PRKCH: variants seen among roughly 807,000 people sequenced by gnomAD.
PRKCH encodes protein kinase C eta.
In PRKCH, 28 loss-of-function variants were observed where a neutral mutation model predicts 82.5. That is an observed-to-expected ratio of 0.34 (90% confidence interval 0.25 to 0.47). The LOEUF (loss-of-function observed/expected upper bound fraction) is 0.47. Among genes scored for constraint, PRKCH ranks in the 20% least tolerant of loss-of-function variants. The probability of loss-of-function intolerance (pLI) is 1.00; values close to 1 mark genes in which losing one functional copy is unlikely to be tolerated. For synonymous variants in PRKCH, 322 were observed against 327.4 expected (o/e 0.98, Z 0.18); for missense variants, 705 against 881.8 (o/e 0.80, Z 2.54).
chr14:61,219,108 C>A lies in PRKCH; in HGVS notation c.-19+31440C>A, dbSNP rs531841936. ...ATGACCCGACATTGGACTTCAACAA[C>A]CTCCTTTGGCTCTGAAGCTGAGAAT... On this transcript the variant is annotated intron_variant, in intron 1 of 3. Coordinates refer to the PRKCH transcript ENST00000555185. Among the ~76,000 whole-genome samples, 3 of 152,306 alleles carry A rather than the reference C, an allele frequency of 2.0e-5. No individual in the cohort carries two copies. The East Asian group carries it at 5.8e-4, about 29-fold the overall frequency.
chr14:61,238,508 T>C (rs760723884), intron 1 of PRKCH, among the ~76,000 whole-genome samples: 3 of 152,234 alleles, frequency 2.0e-5, no homozygotes, highest in Non-Finnish European at 4.4e-5. Flanking sequence ...CAGGACCAGC[T>C]GGGGCTCCTG....
In PRKCH at chr14:61,495,012, G is replaced by A. The variant is rs563257152; in HGVS notation, c.1433+9356G>A. ...CCTGAAGACTATACTCTGGCATTTTGCTTCAATTTCAACAGTTTCTAATGT... is the reference window on the plus strand; with the variant it reads ...CCTGAAGACTATACTCTGGCATTTTACTTCAATTTCAACAGTTTCTAATGT... On this transcript the variant is annotated intron_variant, in intron 10 of 13. Coordinates refer to ENST00000332981, the MANE Select transcript of PRKCH (RefSeq NM_006255.5). 6.6e-5 allele frequency among the ~76,000 whole-genome samples: 10 copies of A among 152,272 alleles called. No individual in the cohort carries two copies. In the South Asian group the frequency reaches 2.1e-3, roughly 32 times the overall value.
chr14:61,346,487 C>T (rs1263170350), intron 1 of PRKCH, among the ~76,000 whole-genome samples: 1 of 152,164 alleles, frequency 6.6e-6, no homozygotes, highest in Non-Finnish European at 1.5e-5. Context: ...GTCTTATTTT[C>T]CCTTTTGATT....
At chr14:61,519,274 T>TATGAATGAATGAATGA (rs34647037) in intron 10 of PRKCH, among the ~76,000 whole-genome samples, 4 of 147,160 alleles carry the variant, frequency 2.7e-5, no homozygotes, top group Non-Finnish European at 4.5e-5. Flanking sequence ...AGAATGAGAT[T>TATGAATGAATGAATGA]ATGAATGAAT....
At chr14:61,273,252 T>C (rs1218810292) in intron 1 of PRKCH, among the ~76,000 whole-genome samples, 1 of 152,194 alleles carries the variant, frequency 6.6e-6, no homozygotes, top group East Asian at 1.9e-4. Flanking sequence ...AAATATTATT[T>C]ATGGCTTTAA....
chr14:61,484,764 C>CGTTT (rs1555392076), intron 9 of PRKCH, among the ~76,000 whole-genome samples: 1 of 121,206 alleles, frequency 8.3e-6, no homozygotes, highest in African/African-American at 3.2e-5. Flanking sequence ...ATTTGGCTTC[C>CGTTT]TTTTTTTTTT....
At chr14:61,548,483 G>A (rs1052648668) in intron 13 of PRKCH, among the ~76,000 whole-genome samples, 12 of 152,232 alleles carry the variant, frequency 7.9e-5, no homozygotes, top group Admixed American at 6.5e-5. Context: ...CCCGCTTGTG[G>A]TCTGAGAGCT....
At chr14:61,313,774 G>C (rs988128838) in intron 1 of PRKCH, among the ~76,000 whole-genome samples, 1 of 151,670 alleles carries the variant, frequency 6.6e-6, no homozygotes, top group African/African-American at 2.4e-5. Flanking sequence ...TTATATAAAC[G>C]TCAGATCCCA....
intron 1 of PRKCH, among the ~76,000 whole-genome samples, chr14:61,374,704 C>T (rs1202948174): frequency 1.3e-5 from 2 of 151,962 alleles, no homozygotes; most frequent in African/African-American, 4.8e-5. Flanking sequence ...CACAGGATGT[C>T]AGGTCTCAAG....
chr14:61,302,781 T>C (rs2045457193), intron 1 of PRKCH, among the ~76,000 whole-genome samples: 1 of 152,184 alleles, frequency 6.6e-6, no homozygotes, highest in Admixed American at 6.5e-5. Flanking sequence ...TTAAGCCACA[T>C]TTTATATTTC....
At chr14:61,347,608 A>G (rs2046013082) in intron 1 of PRKCH, among the ~76,000 whole-genome samples, 1 of 152,262 alleles carries the variant, frequency 6.6e-6, no homozygotes, top group Non-Finnish European at 1.5e-5. Context: ...CGTATTAAGT[A>G]GAGGCTGTGT....
intron 9 of PRKCH, among the ~76,000 whole-genome samples, chr14:61,468,017 A>G (rs560403834): frequency 6.6e-6 from 1 of 152,318 alleles, no homozygotes; most frequent in Admixed American, 6.5e-5. Flanking sequence ...AATAATATAC[A>G]AGCCATTTCC....
At chr14:61,401,695 A>C (rs1341670093) in intron 2 of PRKCH, among the ~76,000 whole-genome samples, 1 of 152,262 alleles carries the variant, frequency 6.6e-6, no homozygotes, top group African/African-American at 2.4e-5. Context: ...AGTAAACATT[A>C]TTCATGTTAT....
chr14:61,385,265 C>T (rs2046570336), intron 1 of PRKCH, among the ~76,000 whole-genome samples: 1 of 150,838 alleles, frequency 6.6e-6, no homozygotes, highest in African/African-American at 2.5e-5. Context: ...TAGCCTGAGG[C>T]CCTGATTTGG....
intron 1 of PRKCH, among the ~76,000 whole-genome samples, chr14:61,226,344 C>T (rs6573375): frequency 0.46 from 69,650 of 152,040 alleles, 17,371 homozygotes; most frequent in African/African-American, 0.66. Context: ...TTCAAGCCAA[C>T]GATTATATTA....
chr14:61,392,025 T>C (rs143177424), intron 2 of PRKCH, among the ~76,000 whole-genome samples: 131 of 152,310 alleles, frequency 8.6e-4, no homozygotes, highest in African/African-American at 2.8e-3. Context: ...TTCTCTTTTA[T>C]GTCTGGTTTC....
intron 1 of PRKCH, among the ~76,000 whole-genome samples, chr14:61,251,867 T>C (rs1197773436): frequency 6.6e-6 from 1 of 151,958 alleles, no homozygotes; most frequent in Non-Finnish European, 1.5e-5. Context: ...TGAGATGGAG[T>C]TTCGCTCTGT....
At chr14:61,527,145 A>C (rs555937914) in intron 10 of PRKCH, among the ~76,000 whole-genome samples, 2 of 152,182 alleles carry the variant, frequency 1.3e-5, no homozygotes, top group East Asian at 1.9e-4. Context: ...TTATCAGTAC[A>C]TGGCCATGTT....
intron 1 of PRKCH, among the ~76,000 whole-genome samples, chr14:61,287,315 G>A (rs574611001): frequency 6.4e-4 from 97 of 151,988 alleles, no homozygotes; most frequent in African/African-American, 2.2e-3. Context: ...TGAGTTGGCA[G>A]GAGAGCAACA....
Sources: allele counts gnomAD v4.1 joint callset (sites outside exome capture counted in the v4.1 genomes callset), GRCh38; gene constraint gnomAD v4.1.1; transcripts MANE v1.5; gene names NCBI Gene and HGNC (gene_info 2026-07-23, HGNC 2026-07-21).